The following PCDH15 variants were observed in gnomAD, a reference collection of about 807,000 sequenced individuals.
PCDH15 encodes protocadherin-15.
PCDH15 carries 129 observed loss-of-function variants against 178.5 expected under a neutral mutation model. That is an observed-to-expected ratio of 0.72 (90% confidence interval 0.63 to 0.84). PCDH15 has a LOEUF of 0.84. Among genes scored for constraint, PCDH15 ranks in the 40% least tolerant of loss-of-function variants. PCDH15 has a pLI of 0.00. For synonymous variants in PCDH15, 800 were observed against 732.0 expected, an observed-to-expected ratio of 1.09 and a Z score of -1.50; for missense variants, 2,230 against 2,099.9, an observed-to-expected ratio of 1.06 and a Z score of -1.21.
At chr10:54,851,065 CT>C (rs1446350679) in intron 3 of PCDH15, among the ~76,000 whole-genome samples, 1 of 152,064 alleles carries the variant, frequency 6.6e-6, no homozygotes, top group Non-Finnish European at 1.5e-5. Context: ...TAAATATGAT[CT>C]TTTGATTTTT....
intron 25 of PCDH15, among the ~76,000 whole-genome samples, chr10:53,918,416 C>A (rs1364082526): frequency 6.6e-6 from 1 of 152,110 alleles, no homozygotes. Context: ...TTTGTAATAA[C>A]AGCAAAGGTA....
chr10:54,785,411 A>G (rs1950763477), intron 1 of PCDH15, among the ~76,000 whole-genome samples: 1 of 151,948 alleles, frequency 6.6e-6, no homozygotes, highest in Non-Finnish European at 1.5e-5. Context: ...TTAACTCCCA[A>G]GTAGGGTAAT....
chr10:55,577,088 A>T (rs565638030), intron 2 of PCDH15, among the ~76,000 whole-genome samples: 1 of 152,094 alleles, frequency 6.6e-6, no homozygotes, highest in East Asian at 1.9e-4. Context: ...CTAAAAATAC[A>T]AAAATTAGCT....
At chr10:54,498,388 T>C (rs1286527225) in intron 3 of PCDH15, among the ~76,000 whole-genome samples, 1 of 152,104 alleles carries the variant, frequency 6.6e-6, no homozygotes, top group Non-Finnish European at 1.5e-5. Context: ...ACAAAGGAAC[T>C]ATACAATTCA....
intron 7 of PCDH15, among the ~76,000 whole-genome samples, chr10:54,329,392 G>A (rs1371721937): frequency 6.6e-6 from 1 of 151,846 alleles, no homozygotes; most frequent in Non-Finnish European, 1.5e-5. Flanking sequence ...GAATAATTTA[G>A]AGGTCAAAGA....
At chr10:54,990,510 C>A (rs1410082115) in intron 2 of PCDH15, among the ~76,000 whole-genome samples, 1 of 152,086 alleles carries the variant, frequency 6.6e-6, no homozygotes, top group African/African-American at 2.4e-5. Context: ...TTTTGAAAAT[C>A]ATGAATTAAA....
At chr10:55,482,458 G>A (rs764032336) in intron 2 of PCDH15, among the ~76,000 whole-genome samples, 11 of 151,734 alleles carry the variant, frequency 7.2e-5, no homozygotes, top group Non-Finnish European at 1.6e-4. Flanking sequence ...CTGCCAATGG[G>A]CTTTCCTTTC....
intron 2 of PCDH15, among the ~76,000 whole-genome samples, chr10:55,122,081 A>G (rs770488922): frequency 1.3e-5 from 2 of 152,176 alleles, no homozygotes; most frequent in African/African-American, 4.8e-5. Flanking sequence ...GGAAAGGATA[A>G]TCTTTCCCTT....
At chr10:55,259,172 C>G (rs148283185) in intron 1 of PCDH15, among the ~76,000 whole-genome samples, 1 of 152,064 alleles carries the variant, frequency 6.6e-6, no homozygotes, top group Non-Finnish European at 1.5e-5. Context: ...CCTGCTGTAT[C>G]AGTAACAATG....
intron 2 of PCDH15, among the ~76,000 whole-genome samples, chr10:54,924,819 A>C (rs1162526525): frequency 6.6e-6 from 1 of 151,994 alleles, no homozygotes; most frequent in Non-Finnish European, 1.5e-5. Context: ...ACATTTGTTT[A>C]ATTTCCTTAA....
intron 2 of PCDH15, among the ~76,000 whole-genome samples, chr10:55,095,998 G>A (rs558019230): frequency 1.3e-5 from 2 of 152,094 alleles, no homozygotes; most frequent in East Asian, 3.9e-4. Flanking sequence ...GAATCATAAT[G>A]ACCCTATCTG....
At chr10:55,318,579 G>C (rs540734655) in intron 1 of PCDH15, among the ~76,000 whole-genome samples, 1 of 152,234 alleles carries the variant, frequency 6.6e-6, no homozygotes, top group African/African-American at 2.4e-5. Flanking sequence ...CCAGAATTCA[G>C]TGCAGAGAAA....
chr10:54,733,553 C>T (rs1943684392), intron 1 of PCDH15, among the ~76,000 whole-genome samples: 2 of 151,528 alleles, frequency 1.3e-5, no homozygotes. Context: ...TGATTCTATA[C>T]ATTTCCAATT....
At chr10:54,106,086 A>G (rs2094912966) in intron 15 of PCDH15, among the ~76,000 whole-genome samples, 1 of 152,210 alleles carries the variant, frequency 6.6e-6, no homozygotes, top group Non-Finnish European at 1.5e-5. Flanking sequence ...AGACAAATTT[A>G]AAGACACAGA....
intron 2 of PCDH15, among the ~76,000 whole-genome samples, chr10:55,335,723 GA>G (rs1844367520): frequency 6.6e-6 from 1 of 151,982 alleles, no homozygotes; most frequent in African/African-American, 2.4e-5. Context: ...TATAAACTAT[GA>G]TTTTTTTTAA....
chr10:54,130,965 G>A (rs1350163328), intron 15 of PCDH15, among the ~76,000 whole-genome samples: 1 of 152,118 alleles, frequency 6.6e-6, no homozygotes, highest in Non-Finnish European at 1.5e-5. Context: ...TACCTTCATG[G>A]TATTACCCTT....
chr10:55,409,938 C>T (rs1206840723), intron 2 of PCDH15, among the ~76,000 whole-genome samples: 6 of 152,116 alleles, frequency 3.9e-5, no homozygotes, highest in Admixed American at 2.0e-4. Context: ...CTATAATTAA[C>T]TCAACTCTCT....
chr10:54,233,639 G>T (rs2054305905), intron 9 of PCDH15, among the ~76,000 whole-genome samples: 1 of 152,152 alleles, frequency 6.6e-6, no homozygotes, highest in Admixed American at 6.5e-5. Flanking sequence ...TATCTTTTAG[G>T]TCTAGCTGCT....
At chr10:54,372,747 T>C (rs1947860460) in intron 4 of PCDH15, among the ~76,000 whole-genome samples, 1 of 151,900 alleles carries the variant, frequency 6.6e-6, no homozygotes, top group Admixed American at 6.6e-5. Flanking sequence ...AGGTAGAAAT[T>C]GTGTTCATAT....
Sources: gnomAD v4.1 joint callset for allele counts (sites outside exome capture counted in the v4.1 genomes callset) on GRCh38, gnomAD v4.1.1 for gene constraint, MANE v1.5 for transcripts, NCBI Gene and HGNC (gene_info 2026-07-23, HGNC 2026-07-21) for gene names.